NFXL1: variants seen among roughly 807,000 people sequenced by gnomAD.
NFXL1 encodes the protein nuclear transcription factor, X-box binding like 1, also known as NF-X1-type zinc finger protein NFXL1.
Under a neutral mutation model 123.3 loss-of-function variants are expected in NFXL1, and 66 were observed. The observed-to-expected ratio is 0.54, with a 90% CI of 0.44 to 0.66. The LOEUF (loss-of-function observed/expected upper bound fraction) is 0.66. Among genes scored for constraint, NFXL1 ranks in the 30% least tolerant of loss-of-function variants. The pLI is 0.00. For missense variants in NFXL1, 944 were observed against 1,125.6 expected, an observed-to-expected ratio of 0.84 and a Z score of 2.31; for synonymous variants, 346 against 360.8, an observed-to-expected ratio of 0.96 and a Z score of 0.46.
At chr4:47,889,810 G>A (rs982465191) in intron 12 of NFXL1, among the ~76,000 whole-genome samples, 2 of 152,138 alleles carry the variant, frequency 1.3e-5, no homozygotes, top group Non-Finnish European at 2.9e-5. Flanking sequence ...TGGTTCTTGA[G>A]ACCCTTTCAG....
chr4:47,904,363 T>C (rs1037069641), intron 4 of NFXL1, among the ~76,000 whole-genome samples: 2 of 152,142 alleles, frequency 1.3e-5, no homozygotes, highest in Non-Finnish European at 2.9e-5. Flanking sequence ...ATGTACTAGC[T>C]AAGTCAATTT....
chr4:47,914,289 C>A, intron 1 of NFXL1, 76 bp downstream of exon 1: 1 of 1,082,376 alleles, frequency 9.2e-7, no homozygotes, highest in South Asian at 1.7e-5. Flanking sequence ...TGCGGAAACC[C>A]GGTGTGAGGG....
At chr4:47,908,998 G>C (rs1737702550) in intron 3 of NFXL1, among the ~76,000 whole-genome samples, 1 of 148,798 alleles carries the variant, frequency 6.7e-6, no homozygotes. Flanking sequence ...AAAGAAAGCA[G>C]CAGTTACGAT....
chr4:47,903,892 T>C (rs1224002691), intron 4 of NFXL1, among the ~76,000 whole-genome samples: 2 of 152,190 alleles, frequency 1.3e-5, no homozygotes, highest in Non-Finnish European at 2.9e-5. Context: ...ATATACATAA[T>C]TTAAAAGCTT....
At chr4:47,851,000 C>T in intron 22 of NFXL1, 95 bp downstream of exon 22, 1 of 887,824 alleles carries the variant, frequency 1.1e-6, no homozygotes. Context: ...ACAATAGAGA[C>T]TAGACCTTAG....
At chr4:47,899,948 A>G (rs140368244) in intron 5 of NFXL1, among the ~76,000 whole-genome samples, 1 of 152,360 alleles carries the variant, frequency 6.6e-6, no homozygotes, top group Admixed American at 6.5e-5. Context: ...CTACAAAAAG[A>G]AAGTAACATT....
chr4:47,913,616 C>A (rs1278235904), intron 2 of NFXL1, among the ~76,000 whole-genome samples: 10 of 152,138 alleles, frequency 6.6e-5, no homozygotes, highest in Admixed American at 6.5e-4. Context: ...GACAAACAAC[C>A]GCTGACAATC....
chr4:47,914,457 C>T lies in NFXL1; in HGVS notation c.-95G>A, dbSNP rs1738013490. 1 of 434,956 alleles carries T rather than the reference C, an allele frequency of 2.3e-6. No homozygotes were observed. Among genetic ancestry groups the T allele is most frequent in the Non-Finnish European group, 4.1e-6 (1 of 243,636 alleles). The allele number at this position is 434,956 out of a possible 1,614,324, so 26.9% of individuals were successfully genotyped here. The stretch of plus-strand genomic sequence containing the variant: ...CAGAAATAAACCGCGGAGCAAGAAG[C>T]ACACAGTGCCGAAGACAGAAAGCCG... On this transcript the variant is annotated 5_prime_UTR_variant, in exon 1 of 23. Coordinates refer to ENST00000507489, the MANE Select transcript of NFXL1 (RefSeq NM_001278624.2).
In NFXL1 at chr4:47,910,995, C is replaced by CTA; in HGVS notation, c.236-2_236-1insTA. On this transcript the variant is annotated splice_acceptor_variant, in intron 2 of 22. Transcript: ENST00000507489. LOFTEE classifies it high-confidence loss of function. ...TCAAATTTTTTCTGAGACATTAGCT[C>CTA]TGTTTAAAAGAAAAAAGTTTCATTT... 1 of 1,552,068 alleles carries CTA rather than the reference C, an allele frequency of 6.4e-7. No individual in the cohort carries two copies. Among genetic ancestry groups the CTA allele is most frequent in the East Asian group, 2.3e-5 (1 of 43,732 alleles).
At position 47,879,575 on chromosome 4, in the gene NFXL1, T is replaced by C. The variant is rs184356401; in HGVS notation, c.1917-458A>G. Among the ~76,000 whole-genome samples, 153 of 152,228 alleles carry C rather than the reference T, an allele frequency of 1.0e-3. 2 individuals are homozygous for C. In the East Asian group the frequency reaches 0.027, roughly 27 times the overall value. On this transcript the variant is annotated intron_variant, in intron 15 of 22. Coordinates refer to ENST00000507489, the MANE Select transcript of NFXL1 (RefSeq NM_001278624.2). ...TATTTTGTATATATCAACAAACTGA[T>C]TCTAAAGTCTATATAGAAAGATAAC...
intron 9 of NFXL1, 146 bp downstream of exon 9, chr4:47,897,821 T>TG (rs1255048087): frequency 5.3e-6 from 3 of 570,572 alleles, no homozygotes; most frequent in Non-Finnish European, 9.3e-6. Context: ...GTCATATAGT[T>TG]GGGGGCTTAA....
chr4:47,886,865 T>A (rs866502037), intron 12 of NFXL1, among the ~76,000 whole-genome samples: 3 of 152,214 alleles, frequency 2.0e-5, no homozygotes, highest in Admixed American at 6.6e-5. Context: ...CTTTCATACA[T>A]CTATCCAAGT....
intron 1 of NFXL1, 57 bp downstream of exon 1, chr4:47,914,308 A>G: frequency 1.1e-6 from 1 of 930,062 alleles, no homozygotes; most frequent in Non-Finnish European, 1.6e-6. Flanking sequence ...GGGCCGAGTG[A>G]GGAAGGTTCC....
At chr4:47,890,434 C>CT (rs1736696742) in intron 12 of NFXL1, among the ~76,000 whole-genome samples, 179 bp downstream of exon 12, 3 of 152,200 alleles carry the variant, frequency 2.0e-5, no homozygotes, top group Admixed American at 2.0e-4. Flanking sequence ...GCTTCAACCT[C>CT]TTTGCCTATA....
rs1264742893 is a variant in NFXL1 at position 47,848,231 on chromosome 4, A to T, written c.2668T>A (p.Tyr890Asn). ...ELSLWQKHKY[Y>N]LISVCGVVVV... ...ACAACTCCACACACTGAAATGAGAT[A>T]ATATTTATGTTTTTGCCATAGTGAT... The change falls in exon 23 of 23, where the codon TAT becomes AAT. Residue 890 changes from tyrosine to asparagine, a missense_variant. By Grantham distance (143) the Tyr-to-Asn change is moderately radical. Coordinates refer to ENST00000507489, the MANE Select transcript of NFXL1 (RefSeq NM_001278624.2). 1.2e-6 allele frequency: 2 copies of T among 1,612,716 alleles called. No homozygotes were observed. Among genetic ancestry groups the T allele is most frequent in the African/African-American group, 2.7e-5 (2 of 74,898 alleles).
At chr4:47,853,288 C>T (rs978362226) in intron 20 of NFXL1, among the ~76,000 whole-genome samples, 1 of 152,008 alleles carries the variant, frequency 6.6e-6, no homozygotes, top group African/African-American at 2.4e-5. Context: ...CTATTTATTA[C>T]ACATAGCATT....
chr4:47,904,109 G>C (rs888503384), intron 4 of NFXL1, among the ~76,000 whole-genome samples: 5 of 152,188 alleles, frequency 3.3e-5, no homozygotes, highest in Admixed American at 2.6e-4. Context: ...GGATGCAGGA[G>C]TAAGGGGACT....
intron 12 of NFXL1, among the ~76,000 whole-genome samples, chr4:47,889,527 T>C (rs559190943): frequency 6.6e-6 from 1 of 152,120 alleles, no homozygotes; most frequent in Non-Finnish European, 1.5e-5. Context: ...GTTCCACATA[T>C]CCCTATATGC....
rs200870112 is a variant in NFXL1 at position 47,885,880 on chromosome 4, T to C, written c.1663A>G (p.Ser555Gly). The change falls in exon 13 of 23, where the codon AGT becomes GGT. Residue 555 changes from serine to glycine, a missense_variant and splice_region_variant. Transcript: ENST00000507489. The part of the protein sequence containing the change: ...TRPPKCKEQC[S>G]RPPTCHHTSQ... ...GCTTGTGCAAAGCTTCAAACTCACC[T>C]GCATTGCTCCTTGCACTTGGGTGGT... 6.2e-7 allele frequency: 1 copy of C among 1,612,134 alleles called. No homozygotes were observed. Among genetic ancestry groups the C allele is most frequent in the East Asian group, 2.2e-5 (1 of 44,884 alleles).
Sources: gnomAD v4.1 joint callset for allele counts (sites outside exome capture counted in the v4.1 genomes callset) on GRCh38, gnomAD v4.1.1 for gene constraint, MANE v1.5 for transcripts, NCBI Gene and HGNC (gene_info 2026-07-23, HGNC 2026-07-21) for gene names.